The following F13B variants were observed in gnomAD, a reference collection of about 807,000 sequenced individuals.
F13B encodes the protein coagulation factor XIII B chain.
A neutral mutation model predicts 79.8 loss-of-function variants in F13B; 58 were observed. That is an observed-to-expected ratio of 0.73 (90% confidence interval 0.59 to 0.90). The LOEUF (loss-of-function observed/expected upper bound fraction) is 0.90. Among genes scored for constraint, F13B ranks in the 40% least tolerant of loss-of-function variants. F13B has a pLI of 0.00. For missense variants in F13B, 773 were observed against 777.0 expected (o/e 0.99, Z 0.06); for synonymous variants, 283 against 260.3 (o/e 1.09, Z -0.84).
chr1:197,052,234 A>G (rs1172368687), intron 9 of F13B, among the ~76,000 whole-genome samples: 2 of 152,080 alleles, frequency 1.3e-5, no homozygotes, highest in Non-Finnish European at 2.9e-5. Context: ...ACCATTTCAC[A>G]CCAGTCAGAA....
Position 197,052,582 on chromosome 1 carries a change from G to A in F13B, c.1555+52C>T, listed in dbSNP as rs1218692147. The stretch of plus-strand genomic sequence containing the variant: ...AACTATAAATAAATTTTCAACCGAG[G>A]TAGCAGATATTGGTCAAGTAAAGAT... On this transcript the variant is annotated intron_variant, in intron 9 of 11. Coordinates refer to ENST00000367412, the MANE Select transcript of F13B (RefSeq NM_001994.3). 16 of 1,226,210 alleles carry A rather than the reference G, an allele frequency of 1.3e-5. No individual in the cohort carries two copies. In the African/African-American group the frequency reaches 2.2e-4, roughly 17 times the overall value. The allele number at this position is 1,226,210 out of a possible 1,614,324, so 76.0% of individuals were successfully genotyped here.
At position 197,060,409 on chromosome 1, in the gene F13B, T is replaced by C. The variant is rs1356455649; in HGVS notation, c.762A>G (p.Gln254=). The change falls in exon 5 of 12, where the codon CAA becomes CAG. Residue 254 remains glutamine (Q), a synonymous_variant. Transcript: ENST00000367412. The stretch of plus-strand genomic sequence containing the variant: ...CTGGGTACCAACCAAAGTTATAGCA[T>C]TGAATTAAATCAGATCCACTTAGAT... ...NYYLSGSDLI[Q]CYNFGWYPES... 2.5e-6 allele frequency: 4 copies of C among 1,612,542 alleles called. No homozygotes were observed. Among genetic ancestry groups the C allele is most frequent in the Middle Eastern group, 3.3e-4 (2 of 6,042 alleles).
At chr1:197,065,306 A>G (rs1455168636) in intron 1 of F13B, among the ~76,000 whole-genome samples, 2 of 152,286 alleles carry the variant, frequency 1.3e-5, no homozygotes, top group East Asian at 1.9e-4. Context: ...TTGTTAAGGT[A>G]GCTGGAATGC....
At chr1:197,052,292 G>A (rs1196733009) in intron 9 of F13B, among the ~76,000 whole-genome samples, 1 of 152,056 alleles carries the variant, frequency 6.6e-6, no homozygotes, top group Non-Finnish European at 1.5e-5. Context: ...GTAAGGCTGG[G>A]GAGAAATAGG....
At chr1:197,056,933 G>A (rs1655660942) in intron 7 of F13B, 80 bp downstream of exon 7, 1 of 1,472,076 alleles carries the variant, frequency 6.8e-7, no homozygotes, top group Admixed American at 1.7e-5. Flanking sequence ...TCTTTTCCTA[G>A]GAATATTCAG....
In F13B at chr1:197,060,917, G is replaced by A. The variant is rs1388142658; in HGVS notation, c.610C>T (p.Leu204Phe). ...AACCTACTGGTACATTTTGGTGTGAGAGACCATCCGTATGTGAGACATTCT... is the reference window on the plus strand; with the variant it reads ...AACCTACTGGTACATTTTGGTGTGAAAGACCATCCGTATGTGAGACATTCT... ...EVECLTYGWS[L>F]TPKCTKLKCS... Residue 204 changes from leucine to phenylalanine, a missense_variant, in exon 4 of 12, where the codon CTC (leucine) becomes TTC (phenylalanine). Physicochemically the swap from Leu to Phe is conservative, Grantham distance 22. Transcript: ENST00000367412. 1.9e-6 allele frequency: 3 copies of A among 1,613,074 alleles called. No homozygotes were observed. Among genetic ancestry groups the A allele is most frequent in the East Asian group, 2.2e-5 (1 of 44,772 alleles).
rs866622032 is a variant in F13B, at chr1:197,060,494, G to A, written c.677C>T (p.Pro226Leu). 6.2e-7 allele frequency: 1 copy of A among 1,603,716 alleles called. No homozygotes were observed. Among genetic ancestry groups the A allele is most frequent in the African/African-American group, 1.3e-5 (1 of 74,568 alleles). The change falls in exon 5 of 12, where the codon CCT becomes CTT. Residue 226 changes from proline (P) to leucine (L), a missense_variant. By Grantham distance (98) the Pro-to-Leu change is moderately conservative. Coordinates refer to ENST00000367412, the MANE Select transcript of F13B (RefSeq NM_001994.3). ...TCCTTCTTCATAGGTTTGCTTTACA[G>A]GATGAAAATAACCATTTTCAATTAA... The part of the protein sequence containing the change: ...LRLIENGYFH[P>L]VKQTYEEGDV...
chr1:197,054,882 T>C (rs1655578802), intron 8 of F13B, among the ~76,000 whole-genome samples: 1 of 151,966 alleles, frequency 6.6e-6, no homozygotes, highest in Non-Finnish European at 1.5e-5. Flanking sequence ...AAATTCCTGA[T>C]CTCATGATAA....
rs773247575 is a variant in F13B, at chr1:197,050,663, T to C, written c.1738+34A>G. On this transcript the variant is annotated intron_variant, in intron 10 of 11. Coordinates refer to ENST00000367412, the MANE Select transcript of F13B (RefSeq NM_001994.3). ...GACAGCAAATTAAAAATATATAGTT[T>C]TACTTTGTTAGAGGCATATTTAGTA... The C allele has an allele frequency of 1.8e-5, 29 of 1,588,648 alleles. No individual in the cohort carries two copies. In the Admixed American group the frequency reaches 4.9e-4, roughly 27 times the overall value.
At chr1:197,061,145 T>C (rs535386193) in intron 3 of F13B, 70 bp from the exon 4 acceptor site, 3 of 839,140 alleles carry the variant, frequency 3.6e-6, no homozygotes, top group South Asian at 4.5e-5. Flanking sequence ...TCTCAAAATA[T>C]GGTTTTACAA....
At chr1:197,045,528 A>G (rs1253825151) in intron 10 of F13B, among the ~76,000 whole-genome samples, 2 of 152,176 alleles carry the variant, frequency 1.3e-5, no homozygotes, top group East Asian at 3.9e-4. Context: ...ATAGCCTACA[A>G]ATCAAAAAAA....
In F13B at chr1:197,057,190, C is replaced by G; in HGVS notation, c.994G>C (p.Glu332Gln). Reference sequence around the variant, plus strand: ...GGTGGTTCCTCACAGGCTACCTTCTCCTGTCCTTCTGAAAAGGTACAGTTG... The same window carrying G: ...GGTGGTTCCTCACAGGCTACCTTCTGCTGTCCTTCTGAAAAGGTACAGTTG... ...TEPPKCIEGQ[E>Q]KVACEEPPFI... is the part of the protein sequence containing the mutation. The change falls in exon 7 of 12, where the codon GAG becomes CAG. Residue 332 changes from glutamate to glutamine, a missense_variant. Physicochemically the swap from Glu to Gln is conservative, Grantham distance 29. Transcript: ENST00000367412. 1 of 1,613,866 alleles carries G rather than the reference C, an allele frequency of 6.2e-7. No individual in the cohort carries two copies. Among genetic ancestry groups the G allele is most frequent in the Non-Finnish European group, 8.5e-7 (1 of 1,179,906 alleles).
At chr1:197,040,440 G>A (rs1245279647) in intron 11 of F13B, 82 bp downstream of exon 11, 2 of 929,872 alleles carry the variant, frequency 2.2e-6, no homozygotes, top group Non-Finnish European at 1.8e-6. Context: ...AGTATGAGTG[G>A]TATAGAACAT....
At chr1:197,050,602 T>C (rs1655405864) in intron 10 of F13B, 95 bp downstream of exon 10, 4 of 1,043,476 alleles carry the variant, frequency 3.8e-6, no homozygotes, top group Admixed American at 2.1e-5. Context: ...ATGTAGCAAA[T>C]ATAGCATTAT....
At chr1:197,063,556 A>C (rs1305140249) in intron 1 of F13B, among the ~76,000 whole-genome samples, 1 of 152,052 alleles carries the variant, frequency 6.6e-6, no homozygotes, top group Non-Finnish European at 1.5e-5. Context: ...CTGGACTCAA[A>C]GGATCCTTCT....
chr1:197,049,721 T>C (rs542605092), intron 10 of F13B, among the ~76,000 whole-genome samples: 1 of 152,072 alleles, frequency 6.6e-6, no homozygotes, highest in Non-Finnish European at 1.5e-5. Context: ...ACAGACTTGA[T>C]ATCAAACCAG....
intron 5 of F13B, among the ~76,000 whole-genome samples, chr1:197,057,848 C>A (rs945111617): frequency 2.0e-5 from 3 of 152,156 alleles, no homozygotes; most frequent in Non-Finnish European, 4.4e-5. Context: ...CAGAGGGCTG[C>A]CTTCAGTTAA....
chr1:197,050,735 C>A lies in F13B; in HGVS notation c.1700G>T (p.Cys567Phe), dbSNP rs779125550. 6 of 1,613,220 alleles carry A rather than the reference C, an allele frequency of 3.7e-6. No individual in the cohort carries two copies. Among genetic ancestry groups the A allele is most frequent in the Non-Finnish European group, 5.1e-6 (6 of 1,179,548 alleles). The change falls in exon 10 of 12, where the codon TGT becomes TTT. Residue 567 changes from cysteine to phenylalanine, a missense_variant. Coordinates refer to ENST00000367412, the MANE Select transcript of F13B (RefSeq NM_001994.3). ...TGGTGTAGTCCACATTCCATCTAAA[C>A]AATAGGCCTCCCTAGATCCTTCTAG... is the stretch of plus-strand genomic sequence containing the variant. ...HFLEGSREAYCLDGMWTTPPL... is the reference protein window; with the variant it reads ...HFLEGSREAYFLDGMWTTPPL...
intron 9 of F13B, among the ~76,000 whole-genome samples, 197 bp from the exon 10 acceptor site, chr1:197,051,076 T>C (rs1402118640): frequency 2.0e-5 from 3 of 151,968 alleles, no homozygotes; most frequent in Non-Finnish European, 1.5e-5. Context: ...GGACTACAGG[T>C]GCATTTTTCT....
Sources: allele counts gnomAD v4.1 joint callset (sites outside exome capture counted in the v4.1 genomes callset), GRCh38; gene constraint gnomAD v4.1.1; transcripts MANE v1.5; gene names NCBI Gene and HGNC (gene_info 2026-07-23, HGNC 2026-07-21).